Variants in TULP4 observed in about 807,000 individuals in gnomAD.
TULP4 encodes tubby-related protein 4.
A neutral mutation model predicts 129.0 loss-of-function variants in TULP4; 16 were observed. That is an observed-to-expected ratio of 0.12 (90% CI 0.08 to 0.19). The LOEUF is 0.19. TULP4 is among the 10% of genes least tolerant of loss of function. The probability of loss-of-function intolerance (pLI) is 1.00; values close to 1 mark genes in which losing one functional copy is unlikely to be tolerated. For missense variants in TULP4, 1,842 were observed against 2,059.1 expected (o/e 0.89, Z 2.04); for synonymous variants, 998 against 854.0 (o/e 1.17, Z -2.94).
intron 1 of TULP4, among the ~76,000 whole-genome samples, chr6:158,264,145 C>T (rs111594683): frequency 1.4e-4 from 21 of 152,152 alleles, no homozygotes; most frequent in Non-Finnish European, 2.8e-4. Flanking sequence ...ACAAAAACTT[C>T]AGTGAAATTT....
chr6:158,404,046 C>T (rs1212313176), intron 1 of TULP4, among the ~76,000 whole-genome samples: 2 of 152,196 alleles, frequency 1.3e-5, no homozygotes, highest in Non-Finnish European at 2.9e-5. Flanking sequence ...AGCTCTTACC[C>T]ACCACACTCT....
In TULP4 at chr6:158,238,335, T is replaced by G; in HGVS notation, n.68+6032T>G. On this transcript the variant is annotated intron_variant and non_coding_transcript_variant, in intron 1 of 1. Coordinates refer to the TULP4 transcript ENST00000620026. Reference sequence around the variant, plus strand: ...ACATAGGTGAGAGATGCTCGGGACTTTGGGAATGTAAACTGGCAGATATTT... The same window carrying G: ...ACATAGGTGAGAGATGCTCGGGACTGTGGGAATGTAAACTGGCAGATATTT... The G allele has an allele frequency of 6.2e-6, 5 of 811,632 alleles. No homozygotes were observed. The South Asian group carries it at 7.7e-5, about 12-fold the overall frequency. The allele number at this position is 811,632 out of a possible 1,614,324, so 50.3% of individuals were successfully genotyped here.
intron 4 of TULP4, among the ~76,000 whole-genome samples, chr6:158,449,647 A>C (rs1779125426): frequency 6.6e-6 from 1 of 152,220 alleles, no homozygotes; most frequent in African/African-American, 2.4e-5. Context: ...CACCTTGGGC[A>C]GATAACTCTA....
In TULP4 at chr6:158,444,219, C is replaced by CAAAA. The variant is rs71030171; in HGVS notation, c.544-4753_544-4750dup. Reference sequence around the variant, plus strand: ...TGGGCGACAGAGCAAGACTCTGTCTCAAAAAAAAAAAAAAAAAAAAAAAAA... The same window carrying CAAAA: ...TGGGCGACAGAGCAAGACTCTGTCTCAAAAAAAAAAAAAAAAAAAAAAAAAAAAA... On this transcript the variant is annotated intron_variant, in intron 3 of 13. Transcript: ENST00000367097. Among the ~76,000 whole-genome samples, 167 of 34,112 alleles carry CAAAA rather than the reference C, an allele frequency of 4.9e-3. 27 individuals are homozygous for CAAAA. The highest frequency in any genetic ancestry group is 8.3e-3 in the African/African-American group (72 of 8,712). The allele number at this position is 34,112 out of a possible 152,430, so 22.4% of individuals were successfully genotyped here.
chr6:158,356,914 A>G (rs1241621957), intron 1 of TULP4, among the ~76,000 whole-genome samples: 4 of 151,408 alleles, frequency 2.6e-5, no homozygotes, highest in African/African-American at 9.8e-5. Flanking sequence ...TAGGTCAGAA[A>G]CCACGCAGTG....
intron 6 of TULP4, among the ~76,000 whole-genome samples, chr6:158,465,697 G>A (rs986565298): frequency 2.0e-5 from 3 of 152,204 alleles, no homozygotes; most frequent in African/African-American, 4.8e-5. Flanking sequence ...CTGAGAAAGT[G>A]CGCCCGAAGC....
At chr6:158,381,923 A>ATTG (rs1210335108) in intron 1 of TULP4, among the ~76,000 whole-genome samples, 1 of 151,834 alleles carries the variant, frequency 6.6e-6, no homozygotes, top group Non-Finnish European at 1.5e-5. Context: ...TTTTTTTGTT[A>ATTG]TTGTTGTTGT....
chr6:158,302,697 G>C (rs1001232348), intron 1 of TULP4, among the ~76,000 whole-genome samples: 1 of 152,178 alleles, frequency 6.6e-6, no homozygotes, highest in Non-Finnish European at 1.5e-5. Flanking sequence ...ACAGTAACTT[G>C]AAGAGGTTTA....
At chr6:158,450,585 T>C (rs1294545757) in intron 4 of TULP4, among the ~76,000 whole-genome samples, 1 of 152,110 alleles carries the variant, frequency 6.6e-6, no homozygotes, top group Non-Finnish European at 1.5e-5. Context: ...ATTTAGGAAT[T>C]AACCATCCCC....
chr6:158,356,036 C>G (rs1780641189), intron 1 of TULP4, among the ~76,000 whole-genome samples: 1 of 152,138 alleles, frequency 6.6e-6, no homozygotes, highest in African/African-American at 2.4e-5. Flanking sequence ...GTGGTAGTTA[C>G]ATGGATGTAT....
At chr6:158,236,594 G>C (rs1368011817) in intron 1 of TULP4, among the ~76,000 whole-genome samples, 1 of 134,200 alleles carries the variant, frequency 7.5e-6, no homozygotes, top group Non-Finnish European at 1.7e-5. Context: ...TCCACTTTCA[G>C]TCACCTAAGG....
At chr6:158,390,235 C>T (rs1041913603) in intron 1 of TULP4, among the ~76,000 whole-genome samples, 14 of 151,860 alleles carry the variant, frequency 9.2e-5, no homozygotes, top group African/African-American at 3.4e-4. Context: ...TAAAAATGGG[C>T]AGAAAACACA....
intron 4 of TULP4, among the ~76,000 whole-genome samples, chr6:158,450,905 G>GA (rs891724261): frequency 1.5e-3 from 227 of 149,004 alleles, no homozygotes; most frequent in African/African-American, 4.6e-3. Context: ...AAATACAAAA[G>GA]AAAAAAAAAA....
chr6:158,272,154 A>T (rs1270117271), intron 1 of TULP4, among the ~76,000 whole-genome samples: 1 of 152,172 alleles, frequency 6.6e-6, no homozygotes, highest in Non-Finnish European at 1.5e-5. Context: ...AGCCTTATCC[A>T]CTAGGTTTTA....
intron 1 of TULP4, among the ~76,000 whole-genome samples, chr6:158,317,579 C>T (rs1779520056): frequency 1.3e-5 from 2 of 152,084 alleles, no homozygotes; most frequent in South Asian, 2.1e-4. Context: ...ATGGACATTT[C>T]GGTTGGTTCC....
At chr6:158,506,475 C>T (rs1350560520) in intron 13 of TULP4, 103 bp from the exon 14 acceptor site, 6 of 784,320 alleles carry the variant, frequency 7.6e-6, no homozygotes, top group Non-Finnish European at 1.4e-5. Flanking sequence ...TCGTGATCTG[C>T]CCACCTCGGC....
intron 3 of TULP4, among the ~76,000 whole-genome samples, chr6:158,432,907 C>T (rs188589890): frequency 2.6e-4 from 40 of 152,358 alleles, no homozygotes; most frequent in African/African-American, 8.4e-4. Context: ...CATCGTGGCA[C>T]ATCACCCTTA....
chr6:158,478,101 A>G (rs746747705), intron 6 of TULP4, among the ~76,000 whole-genome samples: 88 of 152,104 alleles, frequency 5.8e-4, no homozygotes, highest in Non-Finnish European at 1.1e-3. Context: ...GAGGGTGGAG[A>G]GTGGGAGGAG....
At chr6:158,361,114 A>G (rs774987513) in intron 1 of TULP4, among the ~76,000 whole-genome samples, 39 of 152,142 alleles carry the variant, frequency 2.6e-4, no homozygotes, top group Non-Finnish European at 4.7e-4. Flanking sequence ...ATTTATCACA[A>G]TATACTTAAA....
Sources: gnomAD v4.1 joint callset for allele counts (sites outside exome capture counted in the v4.1 genomes callset) on GRCh38, gnomAD v4.1.1 for gene constraint, MANE v1.5 for transcripts, NCBI Gene and HGNC (gene_info 2026-07-23, HGNC 2026-07-21) for gene names.